Variants in SVIL observed in about 807,000 individuals in gnomAD.
SVIL encodes the protein archvillin.
SVIL carries 101 observed loss-of-function variants against 240.4 expected under a neutral mutation model. The ratio of observed to expected loss-of-function variants is 0.42; its 90% CI spans 0.36 to 0.50. The LOEUF (loss-of-function observed/expected upper bound fraction) is 0.50, where lower values mean the gene tolerates loss of function less well. SVIL is among the 20% of genes least tolerant of loss of function. The pLI is 0.01. For missense variants in SVIL, 2,512 were observed against 2,818.7 expected, an observed-to-expected ratio of 0.89 and a Z score of 2.46; for synonymous variants, 999 against 1,100.0, an observed-to-expected ratio of 0.91 and a Z score of 1.82.
chr10:29,721,510 A>G (rs1052648263), intron 1 of SVIL, among the ~76,000 whole-genome samples: 1 of 149,738 alleles, frequency 6.7e-6, no homozygotes, highest in Non-Finnish European at 1.5e-5. Context: ...AAAAGGATGG[A>G]AAAAGTTATA....
chr10:29,625,060 C>A (rs1432635701), intron 1 of SVIL, among the ~76,000 whole-genome samples: 2 of 151,634 alleles, frequency 1.3e-5, no homozygotes, highest in African/African-American at 4.9e-5. Context: ...CCAGGTGAAT[C>A]GTCTTAAAAA....
chr10:29,486,840 T>C (rs1421073045), intron 24 of SVIL, among the ~76,000 whole-genome samples: 1 of 152,226 alleles, frequency 6.6e-6, no homozygotes, highest in African/African-American at 2.4e-5. Context: ...CATGACAGTC[T>C]CATTCAACAG....
intron 14 of SVIL, 73 bp downstream of exon 14, chr10:29,524,399 T>G: frequency 6.3e-7 from 1 of 1,591,816 alleles, no homozygotes; most frequent in Non-Finnish European, 8.6e-7. Context: ...ATCATTGACC[T>G]CAGAGGAATA....
chr10:29,478,700 G>A (rs1440982216), intron 29 of SVIL, among the ~76,000 whole-genome samples: 1 of 151,824 alleles, frequency 6.6e-6, no homozygotes, highest in Non-Finnish European at 1.5e-5. Context: ...GTGGGAGGAT[G>A]GTTTGAGCCC....
At chr10:29,696,276 T>A (rs1385773200) in intron 1 of SVIL, among the ~76,000 whole-genome samples, 1 of 151,900 alleles carries the variant, frequency 6.6e-6, no homozygotes, top group East Asian at 2.0e-4. Flanking sequence ...CAGGCTGGAG[T>A]GCAGTGGCAT....
chr10:29,575,549 G>C (rs1244896573), intron 1 of SVIL, among the ~76,000 whole-genome samples: 3 of 152,198 alleles, frequency 2.0e-5, no homozygotes, highest in Non-Finnish European at 4.4e-5. Flanking sequence ...AAGTGTTTAA[G>C]TTTCCTATAA....
In SVIL at chr10:29,487,318, G is replaced by C. The variant is rs779582214; in HGVS notation, c.4349-19C>G. On this transcript the variant is annotated intron_variant, in intron 23 of 37. Transcript: ENST00000355867. ...CTTCTTCCTGAACACGAGGCAGACA[G>C]TCACCGTCTTTCCAGACAGAACGGG... The C allele has an allele frequency of 6.0e-5, 97 of 1,613,668 alleles. No homozygotes were observed. In the East Asian group the frequency reaches 1.5e-3, roughly 26 times the overall value.
chr10:29,511,574 C>T (rs1056986092), intron 17 of SVIL, among the ~76,000 whole-genome samples: 1 of 152,208 alleles, frequency 6.6e-6, no homozygotes, highest in African/African-American at 2.4e-5. Context: ...GATGGATTTT[C>T]ACTTCAGGAT....
rs368648727 is a variant in SVIL at position 29,634,812 on chromosome 10, A to G, written c.-593T>C. On this transcript the variant is annotated 5_prime_UTR_variant, in exon 1 of 38. Transcript: ENST00000355867. ...AAGTTCCTCTCCAAAAAGAACGCCA[A>G]AATATTAATAAAAAGAGTCTTCTTT... is the stretch of plus-strand genomic sequence containing the variant. 4 of 152,280 alleles carry G rather than the reference A, an allele frequency of 2.6e-5. No individual in the cohort carries two copies. In the East Asian group the frequency reaches 7.7e-4, roughly 29 times the overall value. The allele number at this position is 152,280 out of a possible 1,614,324, so 9.4% of individuals were successfully genotyped here. A position where few individuals can be genotyped will look rare whatever the true frequency, so the allele number is the denominator to read the frequency against.
chr10:29,501,408 G>A (rs1194448488), intron 17 of SVIL, among the ~76,000 whole-genome samples: 2 of 150,892 alleles, frequency 1.3e-5, no homozygotes, highest in East Asian at 2.0e-4. Context: ...ACATGGTTGG[G>A]GTGGGAAAAA....
chr10:29,569,789 TTGCTCTC>T, intron 1 of SVIL, among the ~76,000 whole-genome samples: 1 of 152,004 alleles, frequency 6.6e-6, no homozygotes, highest in Non-Finnish European at 1.5e-5. Flanking sequence ...GCTGTGTCTT[TTGCTCTC>T]ATTAAAATCT....
chr10:29,547,775 C>T (rs1001235635), intron 6 of SVIL, among the ~76,000 whole-genome samples: 3 of 152,114 alleles, frequency 2.0e-5, no homozygotes, highest in South Asian at 2.1e-4. Context: ...ACCGTGATAA[C>T]GACTTCAACA....
At chr10:29,538,132 G>T (rs1031639233) in intron 6 of SVIL, among the ~76,000 whole-genome samples, 8 of 152,166 alleles carry the variant, frequency 5.3e-5, no homozygotes, top group East Asian at 1.9e-4. Context: ...GCCTTCACAG[G>T]GTTATGTTTA....
At chr10:29,555,903 C>T (rs1189860222) in intron 3 of SVIL, among the ~76,000 whole-genome samples, 1 of 152,188 alleles carries the variant, frequency 6.6e-6, no homozygotes, top group Admixed American at 6.5e-5. Flanking sequence ...TCCAGCAGTG[C>T]CTAAAGTGGC....
intron 1 of SVIL, among the ~76,000 whole-genome samples, chr10:29,690,005 A>G (rs746645465): frequency 1.3e-5 from 2 of 152,254 alleles, no homozygotes; most frequent in Non-Finnish European, 2.9e-5. Flanking sequence ...AACGTTGGTG[A>G]CAAGATAGAA....
At chr10:29,620,078 T>G (rs1171071597) in intron 1 of SVIL, among the ~76,000 whole-genome samples, 2 of 152,168 alleles carry the variant, frequency 1.3e-5, no homozygotes, top group Admixed American at 1.3e-4. Context: ...TTTTTAGTAT[T>G]AGCAATATTA....
intron 2 of SVIL, among the ~76,000 whole-genome samples, chr10:29,665,058 A>T (rs1959205734): frequency 6.6e-6 from 1 of 151,912 alleles, no homozygotes; most frequent in African/African-American, 2.4e-5. Flanking sequence ...GGAGCAACAT[A>T]GTGAGACCCT....
chr10:29,514,971 A>G (rs978951029), intron 16 of SVIL, among the ~76,000 whole-genome samples: 2 of 152,354 alleles, frequency 1.3e-5, no homozygotes, highest in African/African-American at 4.8e-5. Flanking sequence ...GTATTTGTCT[A>G]TTCACTCAGT....
intron 1 of SVIL, among the ~76,000 whole-genome samples, chr10:29,610,023 C>T (rs1048509214): frequency 6.6e-6 from 1 of 152,208 alleles, no homozygotes; most frequent in African/African-American, 2.4e-5. Context: ...CTCCCTCCCC[C>T]TGAGAGACTG....
Sources: allele counts gnomAD v4.1 joint callset (sites outside exome capture counted in the v4.1 genomes callset), GRCh38; gene constraint gnomAD v4.1.1; transcripts MANE v1.5; gene names NCBI Gene and HGNC (gene_info 2026-07-23, HGNC 2026-07-21).